SPECC1: variants seen among roughly 807,000 people sequenced by gnomAD.
The protein encoded by SPECC1 is cytospin-B.
SPECC1 carries 62 observed loss-of-function variants against 104.1 expected under a neutral mutation model. The observed-to-expected ratio is 0.60, with a 90% confidence interval of 0.49 to 0.74. SPECC1 has a LOEUF of 0.74. Among genes scored for constraint, SPECC1 ranks in the 30% least tolerant of loss-of-function variants. The pLI is 0.00. For synonymous variants in SPECC1, 513 were observed against 501.6 expected (o/e 1.02, Z -0.30); for missense variants, 1,306 against 1,310.5 (o/e 1.00, Z 0.05).
chr17:20,267,972 T>TA (rs2040272885), intron 12 of SPECC1, among the ~76,000 whole-genome samples: 1 of 152,144 alleles, frequency 6.6e-6, no homozygotes, highest in Admixed American at 6.5e-5. Flanking sequence ...AGTCCTCTGT[T>TA]ACCTCCCAGG....
chr17:20,104,613 C>T lies in SPECC1; in HGVS notation c.148-5814C>T, dbSNP rs369193186. On this transcript the variant is annotated intron_variant, in intron 2 of 14. Coordinates refer to ENST00000395527, the MANE Select transcript of SPECC1 (RefSeq NM_001243439.2). ...CAAAAATTAGCTGGGTGTGGGGGCA[C>T]GTGCCTGTAATCCCAGCTTCTTGGG... is the stretch of plus-strand genomic sequence containing the variant. Among the ~76,000 whole-genome samples, 9 of 151,674 alleles carry T rather than the reference C, an allele frequency of 5.9e-5. 1 individual carries two copies. The South Asian group carries it at 6.3e-4, about 11-fold the overall frequency.
chr17:20,028,178 C>G (rs2044668643), intron 1 of SPECC1, among the ~76,000 whole-genome samples: 1 of 151,160 alleles, frequency 6.6e-6, no homozygotes, highest in Admixed American at 6.6e-5. Flanking sequence ...AAAGAATGGT[C>G]TTGTTGACCT....
At chr17:20,113,947 A>G (rs1223531541) in intron 3 of SPECC1, among the ~76,000 whole-genome samples, 1 of 152,230 alleles carries the variant, frequency 6.6e-6, no homozygotes, top group Non-Finnish European at 1.5e-5. Context: ...TTAAATCCAG[A>G]TCTACTGCAA....
intron 3 of SPECC1, among the ~76,000 whole-genome samples, chr17:20,143,215 T>A (rs2031046214): frequency 1.4e-5 from 2 of 145,060 alleles, no homozygotes; most frequent in African/African-American, 5.1e-5. Context: ...CAAAACCCCA[T>A]CTCTATCAAA....
intron 1 of SPECC1, among the ~76,000 whole-genome samples, chr17:20,016,763 T>C (rs958589789): frequency 1.3e-5 from 2 of 152,172 alleles, no homozygotes; most frequent in Non-Finnish European, 2.9e-5. Flanking sequence ...CACCCCCTGC[T>C]CCACGGCGCC....
chr17:20,096,727 C>T lies in SPECC1; in HGVS notation c.76C>T (p.Pro26Ser), dbSNP rs2047665229. 7 of 1,614,144 alleles carry T rather than the reference C, an allele frequency of 4.3e-6. No individual in the cohort carries two copies. Among genetic ancestry groups the T allele is most frequent in the Non-Finnish European group, 3.4e-6 (4 of 1,180,050 alleles). ...GHGPDRVRPLPAASSGMKSSK... is the reference protein window; with the variant it reads ...GHGPDRVRPLSAASSGMKSSK... ...CGGCCCAGACCGGGTGCGGCCTCTG[C>T]CTGCAGCCTCTTCCGGCATGAAGAG... The change falls in exon 2 of 15, where the codon CCT becomes TCT. Residue 26 changes from proline (P) to serine (S), a missense_variant. Physicochemically the swap from Pro to Ser is moderately conservative, Grantham distance 74. Transcript: ENST00000395527.
chr17:20,135,420 A>G (rs2049866058), intron 3 of SPECC1, among the ~76,000 whole-genome samples: 1 of 152,322 alleles, frequency 6.6e-6, no homozygotes. Flanking sequence ...GTTTTGGAAC[A>G]TTAAGCCAAG....
intron 1 of SPECC1, among the ~76,000 whole-genome samples, chr17:20,039,249 G>A (rs1306860983): frequency 6.6e-6 from 1 of 152,158 alleles, no homozygotes; most frequent in Non-Finnish European, 1.5e-5. Context: ...AGAGTGTTCC[G>A]TAAATGTCTA....
chr17:20,133,409 C>G (rs1008067946), intron 3 of SPECC1, among the ~76,000 whole-genome samples: 4 of 151,922 alleles, frequency 2.6e-5, no homozygotes, highest in African/African-American at 9.7e-5. Context: ...TGAACTAGCT[C>G]CCTTAATAGA....
chr17:20,077,297 C>G (rs991062871), intron 1 of SPECC1, among the ~76,000 whole-genome samples: 3 of 152,068 alleles, frequency 2.0e-5, no homozygotes, highest in Non-Finnish European at 2.9e-5. Context: ...TTTCCAATAT[C>G]ATTTATGAGC....
intron 2 of SPECC1, among the ~76,000 whole-genome samples, chr17:20,098,143 T>C (rs1190488932): frequency 5.3e-5 from 8 of 152,148 alleles, no homozygotes. Flanking sequence ...AAGTGTAACA[T>C]GTCCAAAACC....
At chr17:20,247,466 A>G in intron 9 of SPECC1, 147 bp downstream of exon 9, 1 of 515,970 alleles carries the variant, frequency 1.9e-6, no homozygotes. Context: ...CATTATTCCA[A>G]TACTTATTTC....
chr17:20,283,230 A>G (rs1284795939), intron 12 of SPECC1, among the ~76,000 whole-genome samples: 4 of 152,164 alleles, frequency 2.6e-5, no homozygotes, highest in African/African-American at 9.7e-5. Flanking sequence ...TATGAACAGG[A>G]GCAGAAATGG....
intron 3 of SPECC1, among the ~76,000 whole-genome samples, chr17:20,137,756 C>G (rs1377982731): frequency 1.3e-5 from 2 of 151,974 alleles, no homozygotes; most frequent in African/African-American, 4.8e-5. Flanking sequence ...ACCTCTGCCT[C>G]CCGGGTTCAA....
chr17:20,051,092 CTTT>C (rs1216443211), intron 1 of SPECC1, among the ~76,000 whole-genome samples: 14 of 102,650 alleles, frequency 1.4e-4, no homozygotes, highest in Non-Finnish European at 2.5e-4. Context: ...TTCTTTCTTT[CTTT>C]CTTTCTTTCT....
At chr17:20,017,831 C>T (rs1400080224) in intron 1 of SPECC1, among the ~76,000 whole-genome samples, 1 of 152,164 alleles carries the variant, frequency 6.6e-6, no homozygotes, top group Non-Finnish European at 1.5e-5. Flanking sequence ...CCAAGAATAT[C>T]TAATAATTTC....
chr17:20,232,790 A>C (rs1330759822), intron 7 of SPECC1, among the ~76,000 whole-genome samples: 1 of 152,228 alleles, frequency 6.6e-6, no homozygotes, highest in Non-Finnish European at 1.5e-5. Context: ...AGAAGCTGGA[A>C]TCACTCCCAA....
chr17:20,269,086 G>A (rs552744291), intron 12 of SPECC1, among the ~76,000 whole-genome samples: 139 of 152,268 alleles, frequency 9.1e-4, no homozygotes, highest in African/African-American at 3.2e-3. Flanking sequence ...TGGGAATTTT[G>A]GAAATAAAAC....
At chr17:20,272,880 A>T (rs1174831921) in intron 12 of SPECC1, among the ~76,000 whole-genome samples, 7 of 152,226 alleles carry the variant, frequency 4.6e-5, no homozygotes, top group Admixed American at 6.5e-5. Context: ...GGTTGATTTT[A>T]TCACCAAATC....
Sources: allele counts gnomAD v4.1 joint callset (sites outside exome capture counted in the v4.1 genomes callset), GRCh38; gene constraint gnomAD v4.1.1; transcripts MANE v1.5; gene names NCBI Gene and HGNC (gene_info 2026-07-23, HGNC 2026-07-21).